The following RAPGEF5 variants were observed in gnomAD, a reference collection of about 807,000 sequenced individuals.
RAPGEF5 encodes the protein M-Ras-regulated GEF.
RAPGEF5 carries 65 observed loss-of-function variants against 125.2 expected under a neutral mutation model. That is an observed-to-expected ratio of 0.52 (90% CI 0.43 to 0.64). The LOEUF (loss-of-function observed/expected upper bound fraction) is 0.64, where lower values mean the gene tolerates loss of function less well. Among genes scored for constraint, RAPGEF5 ranks in the 30% least tolerant of loss-of-function variants. The probability of loss-of-function intolerance (pLI) is 0.00; values close to 1 mark genes in which losing one functional copy is unlikely to be tolerated. For synonymous variants in RAPGEF5, 391 were observed against 385.9 expected (o/e 1.01, Z -0.16); for missense variants, 958 against 1,048.1 (o/e 0.91, Z 1.19).
At chr7:22,273,436 T>G (rs1583538653) in intron 6 of RAPGEF5, among the ~76,000 whole-genome samples, 1 of 151,988 alleles carries the variant, frequency 6.6e-6, no homozygotes, top group South Asian at 2.1e-4. Context: ...GCCAGGATGG[T>G]CTCGATCTCC....
At chr7:22,259,940 C>G (rs564685656) in intron 7 of RAPGEF5, among the ~76,000 whole-genome samples, 1 of 152,130 alleles carries the variant, frequency 6.6e-6, no homozygotes, top group South Asian at 2.1e-4. Flanking sequence ...AAAAATTACC[C>G]GGGTGTGGTG....
intron 11 of RAPGEF5, among the ~76,000 whole-genome samples, chr7:22,168,798 G>A (rs1784252942): frequency 6.6e-6 from 1 of 152,206 alleles, no homozygotes; most frequent in South Asian, 2.1e-4. Flanking sequence ...ACATAGGTAA[G>A]TGGTTGCAAA....
intron 9 of RAPGEF5, among the ~76,000 whole-genome samples, chr7:22,206,688 GAA>G (rs1202149831): frequency 1.3e-4 from 8 of 62,592 alleles, no homozygotes; most frequent in Non-Finnish European, 2.1e-4. Context: ...CATGTCACAA[GAA>G]AAAAAAAAAA....
intron 1 of RAPGEF5, among the ~76,000 whole-genome samples, chr7:22,346,099 T>C (rs1248450233): frequency 1.3e-5 from 2 of 152,136 alleles, no homozygotes; most frequent in African/African-American, 4.8e-5. Context: ...TGAGGTGTCA[T>C]CTCAACACAG....
At chr7:22,345,928 T>C (rs982025239) in intron 1 of RAPGEF5, among the ~76,000 whole-genome samples, 3 of 152,196 alleles carry the variant, frequency 2.0e-5, no homozygotes, top group Non-Finnish European at 4.4e-5. Flanking sequence ...TTTTACTCTT[T>C]TGATATGACA....
intron 7 of RAPGEF5, among the ~76,000 whole-genome samples, chr7:22,255,790 C>A (rs1224240402): frequency 1.3e-5 from 2 of 152,282 alleles, no homozygotes; most frequent in South Asian, 2.1e-4. Context: ...GTTTTCAATT[C>A]ATTCCTTTCA....
At chr7:22,195,841 T>G (rs893310968) in intron 9 of RAPGEF5, among the ~76,000 whole-genome samples, 2 of 152,238 alleles carry the variant, frequency 1.3e-5, no homozygotes, top group African/African-American at 4.8e-5. Flanking sequence ...CAAAAATCTT[T>G]CCCTGGTTTC....
At chr7:22,309,347 T>C (rs898334303) in intron 4 of RAPGEF5, among the ~76,000 whole-genome samples, 4 of 152,230 alleles carry the variant, frequency 2.6e-5, no homozygotes, top group African/African-American at 4.8e-5. Context: ...TGATATTTAT[T>C]ACCTATAGGA....
chr7:22,339,108 G>C (rs777451850), intron 1 of RAPGEF5, among the ~76,000 whole-genome samples: 1 of 152,178 alleles, frequency 6.6e-6, no homozygotes, highest in Non-Finnish European at 1.5e-5. Flanking sequence ...CGACTGGTAA[G>C]AGAAGAACGC....
intron 9 of RAPGEF5, among the ~76,000 whole-genome samples, chr7:22,210,952 A>C (rs1436386016): frequency 6.6e-6 from 1 of 152,220 alleles, no homozygotes; most frequent in Non-Finnish European, 1.5e-5. Context: ...GATAATTTTA[A>C]TACAAAAAAT....
intron 1 of RAPGEF5, among the ~76,000 whole-genome samples, chr7:22,320,069 G>A (rs895167856): frequency 1.3e-5 from 2 of 152,192 alleles, no homozygotes; most frequent in Admixed American, 1.3e-4. Context: ...AGATAGCAGC[G>A]TTAGATAAGC....
intron 1 of RAPGEF5, among the ~76,000 whole-genome samples, chr7:22,334,348 TAC>T (rs1783986560): frequency 6.6e-6 from 1 of 152,184 alleles, no homozygotes; most frequent in Non-Finnish European, 1.5e-5. Flanking sequence ...AAAAAATGAA[TAC>T]ACTATTCCTA....
intron 1 of RAPGEF5, among the ~76,000 whole-genome samples, chr7:22,320,670 C>G (rs1004593684): frequency 6.6e-6 from 1 of 152,178 alleles, no homozygotes; most frequent in East Asian, 1.9e-4. Context: ...TTCCTCTCAG[C>G]ATCCCAGGGC....
intron 9 of RAPGEF5, among the ~76,000 whole-genome samples, chr7:22,211,570 C>A (rs1583485240): frequency 6.6e-6 from 1 of 152,202 alleles, no homozygotes; most frequent in South Asian, 2.1e-4. Flanking sequence ...CTGCCCACAG[C>A]AAATCCTTTT....
chr7:22,348,750 G>C (rs1473986464), intron 1 of RAPGEF5, among the ~76,000 whole-genome samples: 2 of 152,188 alleles, frequency 1.3e-5, no homozygotes, highest in Non-Finnish European at 2.9e-5. Context: ...TGGAGAGGAG[G>C]GGATGAAGAG....
chr7:22,288,672 G>A (rs1018139860), intron 6 of RAPGEF5, among the ~76,000 whole-genome samples: 52 of 152,008 alleles, frequency 3.4e-4, no homozygotes, highest in African/African-American at 1.2e-3. Flanking sequence ...ACAGGTGCCC[G>A]CCACCACGCC....
intron 7 of RAPGEF5, among the ~76,000 whole-genome samples, chr7:22,242,054 G>T (rs1044568484): frequency 2.0e-5 from 3 of 152,222 alleles, no homozygotes; most frequent in Non-Finnish European, 2.9e-5. Flanking sequence ...CAAGTAGACT[G>T]TGGGAAGAAG....
At chr7:22,194,061 G>T (rs1178729089) in intron 9 of RAPGEF5, 28 bp from the exon 10 acceptor site, 1 of 1,562,102 alleles carries the variant, frequency 6.4e-7, no homozygotes. Flanking sequence ...GATGATGGAT[G>T]AGAGAAGGAA....
At chr7:22,139,760 CTG>C (rs1783197692) in intron 21 of RAPGEF5, 1 of 344,506 alleles carries the variant, frequency 2.9e-6, no homozygotes, top group African/African-American at 2.0e-5. Flanking sequence ...TGCGGGGAGA[CTG>C]TGGGGACCAG....
Sources: gnomAD v4.1 joint callset for allele counts (sites outside exome capture counted in the v4.1 genomes callset) on GRCh38, gnomAD v4.1.1 for gene constraint, MANE v1.5 for transcripts, NCBI Gene and HGNC (gene_info 2026-07-23, HGNC 2026-07-21) for gene names.